The following GPHN variants were observed in gnomAD, a reference collection of about 807,000 sequenced individuals.
GPHN encodes the protein gephyrin.
GPHN carries 17 observed loss-of-function variants against 95.5 expected under a neutral mutation model. The observed-to-expected ratio is 0.18, with a 90% CI of 0.12 to 0.27. The LOEUF (loss-of-function observed/expected upper bound fraction) is 0.27, where lower values mean the gene tolerates loss of function less well. GPHN is among the 10% of genes least tolerant of loss of function. The pLI, the probability that GPHN is intolerant of heterozygous loss-of-function variation, is 1.00. For synonymous variants in GPHN, 320 were observed against 322.5 expected (o/e 0.99, Z 0.08); for missense variants, 660 against 978.1 (o/e 0.67, Z 4.34).
chr14:66,636,302 T>C (rs2064092642), intron 1 of GPHN, among the ~76,000 whole-genome samples: 1 of 152,106 alleles, frequency 6.6e-6, no homozygotes, highest in Non-Finnish European at 1.5e-5. Context: ...TTCCCCATCT[T>C]ACCTGCCAGC....
the GPHN span, among the ~76,000 whole-genome samples, chr14:67,368,372 G>T: frequency 6.6e-6 from 1 of 152,166 alleles, no homozygotes; most frequent in Non-Finnish European, 1.5e-5. Context: ...AGAAAGGCAT[G>T]CTACCAAGCA....
chr14:67,494,327 C>A, the GPHN span, among the ~76,000 whole-genome samples: 2 of 152,208 alleles, frequency 1.3e-5, no homozygotes, highest in Non-Finnish European at 2.9e-5. Context: ...TCAAACCAGC[C>A]TGAGAAAGGC....
chr14:66,570,457 A>C (rs2060641506), intron 1 of GPHN, among the ~76,000 whole-genome samples: 1 of 152,006 alleles, frequency 6.6e-6, no homozygotes, highest in South Asian at 2.1e-4. Flanking sequence ...GGTGCCTACC[A>C]CCACGCCCAG....
At chr14:67,510,222 T>C in the GPHN span, among the ~76,000 whole-genome samples, 27 of 152,186 alleles carry the variant, frequency 1.8e-4, no homozygotes, top group African/African-American at 5.8e-4. Flanking sequence ...ATGGTGATTG[T>C]CATTATTATT....
chr14:66,675,430 C>T (rs1273452886), intron 1 of GPHN, among the ~76,000 whole-genome samples: 1 of 152,120 alleles, frequency 6.6e-6, no homozygotes, highest in African/African-American at 2.4e-5. Context: ...AGGTGTGAAC[C>T]ACCGCTCCCG....
chr14:67,273,232 C>A, the GPHN span, among the ~76,000 whole-genome samples: 2 of 151,696 alleles, frequency 1.3e-5, no homozygotes, highest in African/African-American at 4.8e-5. Flanking sequence ...TTGTCATTTA[C>A]ATTAGGTATA....
intron 1 of GPHN, among the ~76,000 whole-genome samples, chr14:66,542,480 C>T (rs1028849054): frequency 1.2e-4 from 19 of 152,202 alleles, no homozygotes; most frequent in African/African-American, 4.6e-4. Flanking sequence ...CCACCATCTC[C>T]ATCCATATAA....
the GPHN span, among the ~76,000 whole-genome samples, chr14:67,627,258 T>TAG: frequency 2.1e-4 from 22 of 103,378 alleles, no homozygotes; most frequent in Admixed American, 1.5e-3. Context: ...AGTAAGGAGA[T>TAG]ATATATATAT....
At chr14:67,562,241 A>G in the GPHN span, 1 of 1,612,654 alleles carries the variant, frequency 6.2e-7, no homozygotes, top group Non-Finnish European at 8.5e-7. Context: ...GGGCCAGGAC[A>G]GTGGCTCCCA....
At chr14:66,666,208 A>G (rs1015472545) in intron 1 of GPHN, among the ~76,000 whole-genome samples, 1 of 151,860 alleles carries the variant, frequency 6.6e-6, no homozygotes, top group Non-Finnish European at 1.5e-5. Flanking sequence ...TATGTAACAA[A>G]CCTGCACGTT....
intron 12 of GPHN, among the ~76,000 whole-genome samples, chr14:67,092,599 T>C (rs1159821068): frequency 1.3e-5 from 2 of 152,092 alleles, no homozygotes; most frequent in African/African-American, 2.4e-5. Context: ...GATCACTTGC[T>C]TTAAGGTATG....
chr14:66,906,153 T>G (rs1037691398), intron 5 of GPHN, among the ~76,000 whole-genome samples: 24 of 152,158 alleles, frequency 1.6e-4, no homozygotes, highest in African/African-American at 5.5e-4. Flanking sequence ...AGCCAGTGTT[T>G]CGTGCCCAGG....
chr14:66,785,108 C>T (rs973969050), intron 3 of GPHN, among the ~76,000 whole-genome samples: 4 of 152,150 alleles, frequency 2.6e-5, no homozygotes, highest in African/African-American at 9.6e-5. Flanking sequence ...TGGCTTACGC[C>T]TGTAATCCCA....
chr14:66,722,544 A>C (rs370999534), intron 2 of GPHN, among the ~76,000 whole-genome samples: 2 of 152,236 alleles, frequency 1.3e-5, no homozygotes, highest in East Asian at 3.9e-4. Flanking sequence ...CCTGGGCTCA[A>C]GTGATCCTCC....
intron 13 of GPHN, among the ~76,000 whole-genome samples, chr14:67,103,771 G>A (rs1229929375): frequency 6.6e-6 from 1 of 151,618 alleles, no homozygotes; most frequent in Non-Finnish European, 1.5e-5. Context: ...AGTTTTTGGT[G>A]GAGCTTTTAG....
At chr14:67,732,012 A>G in the GPHN span, among the ~76,000 whole-genome samples, 1 of 151,660 alleles carries the variant, frequency 6.6e-6, no homozygotes, top group Non-Finnish European at 1.5e-5. Flanking sequence ...CTGTAATCCC[A>G]GCCACTCAGG....
At chr14:66,533,195 G>A (rs981135537) in intron 1 of GPHN, among the ~76,000 whole-genome samples, 2 of 152,150 alleles carry the variant, frequency 1.3e-5, no homozygotes, top group African/African-American at 4.8e-5. Context: ...TTCTACTGGT[G>A]TGTAAGCAAA....
intron 21 of GPHN, among the ~76,000 whole-genome samples, chr14:67,170,103 A>G (rs561224558): frequency 2.0e-5 from 3 of 152,142 alleles, no homozygotes; most frequent in Non-Finnish European, 4.4e-5. Context: ...AAGATAAAAT[A>G]TTTTAAAAAA....
the GPHN span, among the ~76,000 whole-genome samples, chr14:67,602,267 C>T: frequency 1.3e-5 from 2 of 152,130 alleles, no homozygotes; most frequent in African/African-American, 4.8e-5. Flanking sequence ...CATTTTTAAA[C>T]CGTCAGATCT....
Sources: allele counts gnomAD v4.1 joint callset (sites outside exome capture counted in the v4.1 genomes callset), GRCh38; gene constraint gnomAD v4.1.1; transcripts MANE v1.5; gene names NCBI Gene and HGNC (gene_info 2026-07-23, HGNC 2026-07-21).